Variants in RAB2A observed in about 807,000 individuals in gnomAD.
RAB2A encodes the protein ras-related protein Rab-2A.
RAB2A carries 7 observed loss-of-function variants against 32.5 expected under a neutral mutation model. The ratio of observed to expected loss-of-function variants is 0.22; its 90% CI spans 0.12 to 0.40. The LOEUF is 0.40. Among genes scored for constraint, RAB2A ranks in the 10% least tolerant of loss-of-function variants. The pLI is 1.00. For synonymous variants in RAB2A, 79 were observed against 85.2 expected (o/e 0.93, Z 0.40); for missense variants, 108 against 260.7 (o/e 0.41, Z 4.03).
intron 1 of RAB2A, 86 bp downstream of exon 1, chr8:60,517,339 C>T: frequency 8.0e-7 from 1 of 1,242,320 alleles, no homozygotes; most frequent in Non-Finnish European, 1.1e-6. Context: ...GTGGCGGGGA[C>T]GCGGACTCCA....
At chr8:60,527,001 C>G (rs912873420) in intron 1 of RAB2A, among the ~76,000 whole-genome samples, 1 of 150,282 alleles carries the variant, frequency 6.7e-6, no homozygotes, top group Admixed American at 6.6e-5. Flanking sequence ...GTACTTGGGA[C>G]TGGGGAATTT....
chr8:60,589,621 A>G (rs898811466), intron 5 of RAB2A, among the ~76,000 whole-genome samples: 1 of 152,210 alleles, frequency 6.6e-6, no homozygotes, highest in African/African-American at 2.4e-5. Flanking sequence ...CCTAAACAAA[A>G]AGGGGCCATA....
At chr8:60,616,609 A>G (rs1385673721) in intron 6 of RAB2A, among the ~76,000 whole-genome samples, 1 of 152,266 alleles carries the variant, frequency 6.6e-6, no homozygotes, top group Admixed American at 6.5e-5. Context: ...TTCCCTCTTC[A>G]GTTTAGCTCT....
chr8:60,564,411 A>G (rs1808073394), intron 2 of RAB2A, among the ~76,000 whole-genome samples: 1 of 152,084 alleles, frequency 6.6e-6, no homozygotes, highest in East Asian at 1.9e-4. Flanking sequence ...GTTATTTTTA[A>G]TGTCTCTATT....
intron 6 of RAB2A, among the ~76,000 whole-genome samples, chr8:60,604,463 G>A (rs1804192413): frequency 1.3e-5 from 2 of 152,058 alleles, no homozygotes; most frequent in African/African-American, 2.4e-5. Context: ...GAGTGTGGAG[G>A]GCTCAGAAGA....
intron 1 of RAB2A, among the ~76,000 whole-genome samples, chr8:60,541,941 ACC>A (rs879418092): frequency 7.9e-5 from 12 of 152,148 alleles, no homozygotes; most frequent in Non-Finnish European, 1.8e-4. Flanking sequence ...TTCCCCTGAA[ACC>A]AGACAGTTAA....
chr8:60,612,800 A>G (rs1222985543), intron 6 of RAB2A, among the ~76,000 whole-genome samples: 1 of 152,240 alleles, frequency 6.6e-6, no homozygotes, highest in Non-Finnish European at 1.5e-5. Context: ...ACACCACAAC[A>G]GCTCTACTTT....
At chr8:60,569,711 C>G (rs1292810205) in intron 2 of RAB2A, among the ~76,000 whole-genome samples, 1 of 152,040 alleles carries the variant, frequency 6.6e-6, no homozygotes, top group South Asian at 2.1e-4. Context: ...CTGGGTCTCC[C>G]TACGTTGTCC....
intron 1 of RAB2A, among the ~76,000 whole-genome samples, chr8:60,523,800 C>T (rs776238413): frequency 6.6e-6 from 1 of 151,624 alleles, no homozygotes; most frequent in Non-Finnish European, 1.5e-5. Flanking sequence ...ACACCATTCT[C>T]CTGCCTCAGC....
At chr8:60,556,762 T>C (rs1807945984) in intron 1 of RAB2A, among the ~76,000 whole-genome samples, 1 of 152,130 alleles carries the variant, frequency 6.6e-6, no homozygotes, top group African/African-American at 2.4e-5. Flanking sequence ...TTAGTATTAC[T>C]AGAGTGATAT....
chr8:60,594,885 T>G (rs952695679), intron 6 of RAB2A, among the ~76,000 whole-genome samples: 5 of 152,246 alleles, frequency 3.3e-5, no homozygotes, highest in African/African-American at 1.2e-4. Context: ...CTACCATTGA[T>G]GGACATTTGG....
At chr8:60,605,852 T>TATATATATATATAGAA (rs777621349) in intron 6 of RAB2A, among the ~76,000 whole-genome samples, 1 of 144,746 alleles carries the variant, frequency 6.9e-6, no homozygotes, top group Non-Finnish European at 1.5e-5. Flanking sequence ...TATATATATA[T>TATATATATATATAGAA]AATGCTTCAT....
intron 3 of RAB2A, among the ~76,000 whole-genome samples, chr8:60,574,188 T>C (rs577653998): frequency 5.9e-5 from 9 of 152,380 alleles, no homozygotes; most frequent in Non-Finnish European, 1.3e-4. Context: ...TGAAGCCTTT[T>C]TGACCCCCAT....
chr8:60,549,626 AC>A (rs1807813549), intron 1 of RAB2A, among the ~76,000 whole-genome samples: 1 of 152,116 alleles, frequency 6.6e-6, no homozygotes, highest in South Asian at 2.1e-4. Flanking sequence ...GAGGATGTGC[AC>A]AGGCCTTGTT....
At chr8:60,523,453 G>T (rs900231911) in intron 1 of RAB2A, among the ~76,000 whole-genome samples, 1 of 151,988 alleles carries the variant, frequency 6.6e-6, no homozygotes, top group Non-Finnish European at 1.5e-5. Context: ...CACCACGCCC[G>T]GCCAAGGACT....
At chr8:60,526,472 A>C (rs1807391249) in intron 1 of RAB2A, among the ~76,000 whole-genome samples, 1 of 152,194 alleles carries the variant, frequency 6.6e-6, no homozygotes, top group Non-Finnish European at 1.5e-5. Context: ...TTAAGGACTC[A>C]TGTGATTAGA....
chr8:60,541,144 A>T (rs989894710), intron 1 of RAB2A, among the ~76,000 whole-genome samples: 2 of 152,206 alleles, frequency 1.3e-5, no homozygotes, highest in Non-Finnish European at 2.9e-5. Context: ...TCTTCCTTCC[A>T]AACACTTATA....
At chr8:60,609,536 T>G (rs769104052) in intron 6 of RAB2A, among the ~76,000 whole-genome samples, 6 of 152,240 alleles carry the variant, frequency 3.9e-5, no homozygotes, top group African/African-American at 7.2e-5. Flanking sequence ...TGAGTAAGTA[T>G]GTATTTGCTT....
At chr8:60,589,061 T>G (rs1766744793) in intron 5 of RAB2A, among the ~76,000 whole-genome samples, 1 of 152,202 alleles carries the variant, frequency 6.6e-6, no homozygotes, top group South Asian at 2.1e-4. Flanking sequence ...GAGGGAAGTT[T>G]TAGTCTTTCT....
Sources: allele counts gnomAD v4.1 joint callset (sites outside exome capture counted in the v4.1 genomes callset), GRCh38; gene constraint gnomAD v4.1.1; transcripts MANE v1.5; gene names NCBI Gene and HGNC (gene_info 2026-07-23, HGNC 2026-07-21).